Variants in NFKBIB observed in about 807,000 individuals in gnomAD.
NFKBIB encodes the protein NF-kappa-B inhibitor beta.
Under a neutral mutation model 32.1 loss-of-function variants are expected in NFKBIB, and 16 were observed. The observed-to-expected ratio is 0.50, with a 90% CI of 0.34 to 0.76. The LOEUF is 0.76. Among genes scored for constraint, NFKBIB ranks in the 30% least tolerant of loss-of-function variants. The pLI is 0.01. For missense variants in NFKBIB, 437 were observed against 514.9 expected (o/e 0.85, Z 1.46); for synonymous variants, 222 against 219.5 (o/e 1.01, Z -0.10).
At chr19:38,901,996 C>T (rs1305608410) in intron 1 of NFKBIB, among the ~76,000 whole-genome samples, 2 of 150,934 alleles carry the variant, frequency 1.3e-5, no homozygotes, top group African/African-American at 4.9e-5. Flanking sequence ...TTTTCTTTTT[C>T]CTCCCTCCTT....
upstream of NFKBIB, chr19:38,899,804 T>A (rs202221203): frequency 2.9e-6 from 2 of 687,874 alleles, no homozygotes; most frequent in South Asian, 1.8e-5. Flanking sequence ...GCCATGTTGG[T>A]AAAGGGCGCC....
At position 38,905,082 on chromosome 19, in the gene NFKBIB, G is replaced by A. The variant is rs377225970; in HGVS notation, c.247G>A (p.Gly83Ser). Residue 83 changes from glycine (G) to serine (S), a missense_variant, in exon 2 of 6, where the codon GGC becomes AGC. Physicochemically the swap from Gly to Ser is moderately conservative, Grantham distance 56 (BLOSUM62 0). Coordinates refer to ENST00000313582, the MANE Select transcript of NFKBIB (RefSeq NM_002503.5). This position sits in a 1 kb window ranked among gnomAD's most constrained non-coding sequence, Gnocchi z 5.5. ...FLDFLLGFSA[G>S]TEYMDLQNDL... ...GGATTTTCTTCTAGGCTTCTCGGCC[G>A]GCACTGAGTACATGGACCTGCAGAA... 27 of 1,614,032 alleles carry A rather than the reference G, an allele frequency of 1.7e-5. No individual in the cohort carries two copies. The highest frequency in any genetic ancestry group is 2.0e-5 in the Non-Finnish European group (24 of 1,180,042).
At chr19:38,904,743 C>T (rs1357510811) in intron 1 of NFKBIB, among the ~76,000 whole-genome samples, 1 of 102,480 alleles carries the variant, frequency 9.8e-6, no homozygotes, top group African/African-American at 3.6e-5. Flanking sequence ...CGTATTTCGT[C>T]TGACTCTTGT....
intron 1 of NFKBIB, among the ~76,000 whole-genome samples, chr19:38,902,719 C>T (rs1974006886): frequency 6.6e-6 from 1 of 152,206 alleles, no homozygotes; most frequent in Non-Finnish European, 1.5e-5. Context: ...CAAGCAAGCT[C>T]ACTCATTTAC....
chr19:38,902,192 T>G (rs1973992048), intron 1 of NFKBIB, among the ~76,000 whole-genome samples: 1 of 148,078 alleles, frequency 6.8e-6, no homozygotes, highest in African/African-American at 2.4e-5. Flanking sequence ...GCCATTCTCC[T>G]GCCTCAGCCT....
intron 1 of NFKBIB, among the ~76,000 whole-genome samples, chr19:38,900,500 C>T (rs1182495220): frequency 1.3e-5 from 2 of 152,210 alleles, no homozygotes; most frequent in African/African-American, 4.8e-5. Flanking sequence ...CCTGAGACTT[C>T]TGTTAGAACT....
rs1974092614 is a variant in NFKBIB, at chr19:38,905,515, T to C, written c.599T>C (p.Leu200Pro). 1 of 1,609,950 alleles carries C rather than the reference T, an allele frequency of 6.2e-7. No individual in the cohort carries two copies. Among genetic ancestry groups the C allele is most frequent in the African/African-American group, 1.3e-5 (1 of 74,822 alleles). ...AGTGAGGAGGACTGGAAGCTGCAGCTGGAGGCTGAAAACTACGAGGGTGAG... is the reference window on the plus strand; with the variant it reads ...AGTGAGGAGGACTGGAAGCTGCAGCCGGAGGCTGAAAACTACGAGGGTGAG... ...EESEEDWKLQ[L>P]EAENYEGHTP... The change falls in exon 3 of 6, where the codon CTG becomes CCG. Residue 200 changes from leucine (L) to proline (P), a missense_variant. Coordinates refer to ENST00000313582, the MANE Select transcript of NFKBIB (RefSeq NM_002503.5). This position sits in a 1 kb window ranked among gnomAD's most constrained non-coding sequence, Gnocchi z 5.5.
rs748625293 is a variant in NFKBIB at position 38,907,713 on chromosome 19, C to A, written c.969+54C>A. The A allele has an allele frequency of 1.8e-4, 277 of 1,510,970 alleles. 1 individual carries two copies. The highest frequency in any genetic ancestry group is 9.7e-5 in the Non-Finnish European group (109 of 1,124,368). 93.6% of individuals were successfully genotyped at this position (1,510,970 alleles called of 1,614,324 possible). On this transcript the variant is annotated intron_variant, in intron 5 of 5. Transcript: ENST00000313582. ...CAGCTGGGGGGTCAGGATAGACCGGCAGGCAAGAAGCCCAAGAAGATAATT... is the reference window on the plus strand; with the variant it reads ...CAGCTGGGGGGTCAGGATAGACCGGAAGGCAAGAAGCCCAAGAAGATAATT...
Position 38,906,883 on chromosome 19 carries a change from G to A in NFKBIB, c.620-338G>A, listed in dbSNP as rs1434689051. ...CTCCCAAAGTGCTGGGATTACAGGT[G>A]TGAAATAGCGTGCCAGCTCAGGTCC... On this transcript the variant is annotated intron_variant, in intron 3 of 5. Coordinates refer to ENST00000313582, the MANE Select transcript of NFKBIB (RefSeq NM_002503.5). 2.0e-5 allele frequency among the ~76,000 whole-genome samples: 3 copies of A among 152,290 alleles called. No homozygotes were observed. In the East Asian group the frequency reaches 5.8e-4, roughly 29 times the overall value.
At chr19:38,902,314 C>A (rs11083484) in intron 1 of NFKBIB, among the ~76,000 whole-genome samples, 53,116 of 151,564 alleles carry the variant, frequency 0.35, 11,382 homozygotes, top group East Asian at 0.59. Context: ...TTGTGATCCG[C>A]CCGCCTCGGC....
At chr19:38,902,720 A>G (rs868488855) in intron 1 of NFKBIB, among the ~76,000 whole-genome samples, 1 of 152,184 alleles carries the variant, frequency 6.6e-6, no homozygotes, top group African/African-American at 2.4e-5. Context: ...AAGCAAGCTC[A>G]CTCATTTACA....
intron 1 of NFKBIB, among the ~76,000 whole-genome samples, chr19:38,901,304 T>A (rs1465255618): frequency 2.7e-5 from 4 of 149,692 alleles, no homozygotes; most frequent in Non-Finnish European, 5.9e-5. Flanking sequence ...CTGTTCTGAC[T>A]TTTTTTTTTG....
At chr19:38,908,005 A>C in intron 5 of NFKBIB, 2 of 1,137,536 alleles carry the variant, frequency 1.8e-6, no homozygotes, top group East Asian at 5.1e-5. Context: ...CGAAAAGAAA[A>C]CCTTGGGTGG....
In NFKBIB at chr19:38,900,179, C is replaced by A; in HGVS notation, c.147C>A (p.Leu49=). ...GCCCGGGGCTGTCGTGGGCTCCCCTCGTCTTCGGCTACGTCACTGAGGATG... is the reference window on the plus strand; with the variant it reads ...GCCCGGGGCTGTCGTGGGCTCCCCTAGTCTTCGGCTACGTCACTGAGGATG... ...ELGPGLSWAP[L]VFGYVTEDGD... Residue 49 remains leucine, a synonymous_variant, in exon 1 of 6, where the codon CTC becomes CTA. Coordinates refer to ENST00000313582, the MANE Select transcript of NFKBIB (RefSeq NM_002503.5). 6.2e-7 allele frequency: 1 copy of A among 1,604,048 alleles called. No individual in the cohort carries two copies. Among genetic ancestry groups the A allele is most frequent in the Non-Finnish European group, 8.5e-7 (1 of 1,176,956 alleles).
intron 1 of NFKBIB, among the ~76,000 whole-genome samples, chr19:38,902,173 C>T (rs539025092): frequency 2.4e-4 from 34 of 142,560 alleles, no homozygotes; most frequent in African/African-American, 7.8e-4. Flanking sequence ...CTCCGCCTCC[C>T]AGGTTCATGC....
At position 38,907,289 on chromosome 19, in the gene NFKBIB, G is replaced by A. The variant is rs1568416152; in HGVS notation, c.688G>A (p.Gly230Arg). ...GATGGTCCGGCTGCTCCGAGATGCT[G>A]GAGCTGACCTTGACAAACCGGTGAG... ...VEMVRLLRDA[G>R]ADLDKPEPTC... The change falls in exon 4 of 6, where the codon GGA (glycine) becomes AGA (arginine). Residue 230 changes from glycine to arginine, a missense_variant. Gly to Arg is a moderately radical substitution (Grantham distance 125). Transcript: ENST00000313582. 6.2e-7 allele frequency: 1 copy of A among 1,613,622 alleles called. No homozygotes were observed. The highest frequency in any genetic ancestry group is 8.5e-7 in the Non-Finnish European group (1 of 1,179,694).
At chr19:38,900,541 A>G (rs1236522344) in intron 1 of NFKBIB, among the ~76,000 whole-genome samples, 1 of 152,070 alleles carries the variant, frequency 6.6e-6, no homozygotes, top group Non-Finnish European at 1.5e-5. Context: ...ACCTCCAAAT[A>G]TGATCTTTGA....
rs1235848990 is a variant in NFKBIB, at chr19:38,899,991, A to G, written c.-42A>G. 7 of 1,441,094 alleles carry G rather than the reference A, an allele frequency of 4.9e-6. No individual in the cohort carries two copies. Among genetic ancestry groups the G allele is most frequent in the Non-Finnish European group, 6.4e-6 (7 of 1,100,580 alleles). 89.3% of individuals were successfully genotyped at this position (1,441,094 alleles called of 1,614,324 possible). On this transcript the variant is annotated 5_prime_UTR_variant, in exon 1 of 6. Transcript: ENST00000313582. Reference sequence around the variant, plus strand: ...CCAGAACTCCCGGCAAAGCCCAGCTACAGGCGGGCGACTGCGGGGGGCCCC... The same window carrying G: ...CCAGAACTCCCGGCAAAGCCCAGCTGCAGGCGGGCGACTGCGGGGGGCCCC...
In NFKBIB at chr19:38,907,317, C is replaced by T; in HGVS notation, c.708+8C>T. On this transcript the variant is annotated splice_region_variant and intron_variant, in intron 4 of 5. Transcript: ENST00000313582. Reference sequence around the variant, plus strand: ...GCTGACCTTGACAAACCGGTGAGCCCCAACCTCGGGGAAGATGCCGTCGGC... The same window carrying T: ...GCTGACCTTGACAAACCGGTGAGCCTCAACCTCGGGGAAGATGCCGTCGGC... The T allele has an allele frequency of 6.2e-7, 1 of 1,611,292 alleles. No individual in the cohort carries two copies. Among genetic ancestry groups the T allele is most frequent in the Non-Finnish European group, 8.5e-7 (1 of 1,177,904 alleles).
Sources: gnomAD v4.1 joint callset for allele counts (sites outside exome capture counted in the v4.1 genomes callset) on GRCh38, gnomAD v4.1.1 for gene constraint, Gnocchi (gnomAD v3.1) non-coding constraint, MANE v1.5 for transcripts, NCBI Gene and HGNC (gene_info 2026-07-23, HGNC 2026-07-21) for gene names.